GALNT17: variants seen among roughly 807,000 people sequenced by gnomAD.
GALNT17 encodes the protein polypeptide N-acetylgalactosaminyltransferase 17.
GALNT17 carries 29 observed loss-of-function variants against 63.7 expected under a neutral mutation model. The ratio of observed to expected loss-of-function variants is 0.46; its 90% CI spans 0.34 to 0.62. GALNT17 has a LOEUF of 0.62. GALNT17 is among the 20% of genes least tolerant of loss of function. GALNT17 has a pLI of 0.01. For synonymous variants in GALNT17, 305 were observed against 318.3 expected (o/e 0.96, Z 0.45); for missense variants, 603 against 799.6 (o/e 0.75, Z 2.97).
intron 6 of GALNT17, among the ~76,000 whole-genome samples, chr7:71,651,605 T>C (rs1269287699): frequency 6.6e-6 from 1 of 152,212 alleles, no homozygotes; most frequent in Non-Finnish European, 1.5e-5. Flanking sequence ...ACCCAGCCTT[T>C]TAGCCAATTT....
intron 5 of GALNT17, among the ~76,000 whole-genome samples, chr7:71,570,748 G>A (rs1562695160): frequency 6.6e-6 from 1 of 152,100 alleles, no homozygotes; most frequent in Non-Finnish European, 1.5e-5. Context: ...GGGACGCTGA[G>A]GTGGGCAGAT....
At chr7:71,701,224 C>T (rs1013683067) in intron 9 of GALNT17, among the ~76,000 whole-genome samples, 3 of 152,270 alleles carry the variant, frequency 2.0e-5, no homozygotes, top group East Asian at 1.9e-4. Flanking sequence ...CGATGGCTCA[C>T]GCCTGTAATC....
intron 5 of GALNT17, among the ~76,000 whole-genome samples, chr7:71,521,723 G>C (rs948159202): frequency 6.6e-6 from 1 of 152,150 alleles, no homozygotes; most frequent in Non-Finnish European, 1.5e-5. Flanking sequence ...GTTTCTTCCT[G>C]ATGCTTTTGG....
At chr7:71,419,528 C>T (rs73363744) in intron 4 of GALNT17, among the ~76,000 whole-genome samples, 6,895 of 152,216 alleles carry the variant, frequency 0.045, 551 homozygotes, top group African/African-American at 0.16. Flanking sequence ...AAGGCAGCTG[C>T]GCAGTCATTG....
intron 1 of GALNT17, among the ~76,000 whole-genome samples, chr7:71,319,288 G>A (rs1791561676): frequency 6.6e-6 from 1 of 151,898 alleles, no homozygotes; most frequent in Non-Finnish European, 1.5e-5. Context: ...CCAGGTTTTG[G>A]TTTTCTGAAA....
chr7:71,698,389 A>T (rs1229884548), intron 9 of GALNT17, among the ~76,000 whole-genome samples: 1 of 152,196 alleles, frequency 6.6e-6, no homozygotes, highest in African/African-American at 2.4e-5. Flanking sequence ...TTATTGCATA[A>T]AATCATAAGA....
chr7:71,622,193 TG>T (rs1790304197), intron 6 of GALNT17, among the ~76,000 whole-genome samples: 1 of 152,190 alleles, frequency 6.6e-6, no homozygotes, highest in Admixed American at 6.5e-5. Context: ...ACTCCTAGAA[TG>T]GGCAACATGG....
chr7:71,388,125 C>T, intron 2 of GALNT17, 110 bp from the exon 3 acceptor site: 1 of 1,209,066 alleles, frequency 8.3e-7, no homozygotes, highest in South Asian at 1.5e-5. Flanking sequence ...TGATTCACGC[C>T]TTGGGACGAC....
chr7:71,166,216 C>T (rs369186532), intron 1 of GALNT17, among the ~76,000 whole-genome samples: 7 of 152,288 alleles, frequency 4.6e-5, no homozygotes, highest in Middle Eastern at 3.4e-3. Context: ...CTAAATACTG[C>T]GTGTGCTTGG....
intron 1 of GALNT17, among the ~76,000 whole-genome samples, chr7:71,190,327 T>C (rs1788928728): frequency 6.6e-6 from 1 of 152,200 alleles, no homozygotes; most frequent in Non-Finnish European, 1.5e-5. Context: ...GGCTTGGTGC[T>C]GTCTTCCTGA....
At chr7:71,209,687 C>T (rs960049792) in intron 1 of GALNT17, among the ~76,000 whole-genome samples, 6 of 151,512 alleles carry the variant, frequency 4.0e-5, no homozygotes, top group Non-Finnish European at 8.8e-5. Flanking sequence ...GTAGAGTCAG[C>T]GTTTTGCCAT....
chr7:71,572,870 C>T (rs1429042369), intron 6 of GALNT17, among the ~76,000 whole-genome samples: 1 of 152,116 alleles, frequency 6.6e-6, no homozygotes, highest in Non-Finnish European at 1.5e-5. Flanking sequence ...TGTCCCCAAT[C>T]CCTAAAGCAA....
At chr7:71,224,165 C>T (rs981488108) in intron 1 of GALNT17, among the ~76,000 whole-genome samples, 8 of 152,090 alleles carry the variant, frequency 5.3e-5, no homozygotes, top group African/African-American at 1.9e-4. Flanking sequence ...AGTGATTCTC[C>T]TGCCTTAGCT....
At chr7:71,197,670 C>T (rs1053711789) in intron 1 of GALNT17, among the ~76,000 whole-genome samples, 2 of 152,050 alleles carry the variant, frequency 1.3e-5, no homozygotes, top group African/African-American at 4.8e-5. Flanking sequence ...CAATTTTTAG[C>T]CTCCACAAAT....
At chr7:71,341,681 C>T (rs1792007004) in intron 2 of GALNT17, among the ~76,000 whole-genome samples, 1 of 152,124 alleles carries the variant, frequency 6.6e-6, no homozygotes, top group Admixed American at 6.6e-5. Context: ...TAACAGTCAT[C>T]TATAGAATAC....
At chr7:71,448,918 A>T (rs1787207248) in intron 5 of GALNT17, among the ~76,000 whole-genome samples, 1 of 151,932 alleles carries the variant, frequency 6.6e-6, no homozygotes, top group African/African-American at 2.4e-5. Flanking sequence ...GGGGGTAATG[A>T]CTGGGAGAGT....
intron 5 of GALNT17, among the ~76,000 whole-genome samples, chr7:71,505,054 G>A (rs1391752017): frequency 1.3e-5 from 2 of 152,072 alleles, no homozygotes; most frequent in African/African-American, 2.4e-5. Flanking sequence ...TCATGTAGTG[G>A]CCCCTCCTTG....
At chr7:71,321,879 C>CTTCCTTCCTTCCTTCCT (rs1791614442) in intron 1 of GALNT17, among the ~76,000 whole-genome samples, 2 of 65,202 alleles carry the variant, frequency 3.1e-5, no homozygotes, top group Admixed American at 3.5e-4. Flanking sequence ...TCCTTCCTTC[C>CTTCCTTCCTTCCTTCCT]TTCCTTCCTT....
intron 9 of GALNT17, among the ~76,000 whole-genome samples, chr7:71,703,665 G>A (rs1339474992): frequency 6.6e-6 from 1 of 152,156 alleles, no homozygotes; most frequent in Non-Finnish European, 1.5e-5. Flanking sequence ...AGGTTTCAAG[G>A]CATTAAAGGT....
Sources: allele counts gnomAD v4.1 joint callset (sites outside exome capture counted in the v4.1 genomes callset), GRCh38; gene constraint gnomAD v4.1.1; transcripts MANE v1.5; gene names NCBI Gene and HGNC (gene_info 2026-07-23, HGNC 2026-07-21).